The following KIF1C variants were observed in gnomAD, a reference collection of about 807,000 sequenced individuals.
KIF1C encodes kinesin family member 1C.
Under a neutral mutation model 126.5 loss-of-function variants are expected in KIF1C, and 61 were observed. The observed-to-expected ratio is 0.48, with a 90% confidence interval of 0.39 to 0.60. The LOEUF (loss-of-function observed/expected upper bound fraction) is 0.60, where lower values mean the gene tolerates loss of function less well. KIF1C is among the 20% of genes least tolerant of loss of function. The pLI, the probability that KIF1C is intolerant of heterozygous loss-of-function variation, is 0.00. For synonymous variants in KIF1C, 640 were observed against 580.6 expected (o/e 1.10, Z -1.47); for missense variants, 1,315 against 1,489.2 (o/e 0.88, Z 1.93).
At chr17:5,002,708 G>A in intron 7 of KIF1C, 23 bp from the exon 8 acceptor site, 1 of 1,613,576 alleles carries the variant, frequency 6.2e-7, no homozygotes, top group South Asian at 1.1e-5. Context: ...GCAGGATCCA[G>A]TGACTGCTTT....
chr17:5,000,964 G>A, intron 4 of KIF1C, 116 bp downstream of exon 4: 1 of 1,120,710 alleles, frequency 8.9e-7, no homozygotes, highest in South Asian at 1.3e-5. Flanking sequence ...TGAATTGGGA[G>A]GATGATCCTG....
intron 16 of KIF1C, among the ~76,000 whole-genome samples, chr17:5,013,043 A>G (rs1260104391): frequency 6.6e-6 from 1 of 152,190 alleles, no homozygotes; most frequent in Non-Finnish European, 1.5e-5. Flanking sequence ...TCACTGGGGA[A>G]GAGTCAATGA....
In KIF1C at chr17:5,004,917, G is replaced by T. The variant is rs761322983; in HGVS notation, c.1082G>T (p.Arg361Leu). Reference protein sequence around the residue: ...NAIINEDPNARLIRELQEEVA... With the variant: ...NAIINEDPNALLIRELQEEVA... The stretch of plus-strand genomic sequence containing the variant: ...ATCATCAACGAGGACCCTAATGCCC[G>T]GCTGATTAGAGAGCTGCAGGAGGAA... The change falls in exon 13 of 23, where the codon CGG becomes CTG. Residue 361 changes from arginine (R) to leucine (L), a missense_variant. Coordinates refer to ENST00000320785, the MANE Select transcript of KIF1C (RefSeq NM_006612.6). 6.2e-7 allele frequency: 1 copy of T among 1,614,222 alleles called. No homozygotes were observed. Among genetic ancestry groups the T allele is most frequent in the Non-Finnish European group, 8.5e-7 (1 of 1,180,048 alleles).
At position 5,007,029 on chromosome 17, in the gene KIF1C, T is replaced by G; in HGVS notation, c.1280T>G (p.Phe427Cys). 6.2e-7 allele frequency: 1 copy of G among 1,608,948 alleles called. No individual in the cohort carries two copies. The highest frequency in any genetic ancestry group is 8.5e-7 in the Non-Finnish European group (1 of 1,178,522). ...CATAATGGGGAGCTGGAGCCGTCAT[T>G]CTCCCCCAACACGGAGTCCCAGATT... is the stretch of plus-strand genomic sequence containing the variant. ...TTHNGELEPS[F>C]SPNTESQIGP... is the part of the protein sequence containing the mutation. The change falls in exon 14 of 23, where the codon TTC (phenylalanine) becomes TGC (cysteine). Residue 427 changes from phenylalanine to cysteine, a missense_variant. Coordinates refer to ENST00000320785, the MANE Select transcript of KIF1C (RefSeq NM_006612.6).
Position 5,004,567 on chromosome 17 carries a change from G to A in KIF1C, c.941G>A (p.Gly314Glu). The A allele has an allele frequency of 3.1e-6, 5 of 1,614,092 alleles. No individual in the cohort carries two copies. The highest frequency in any genetic ancestry group is 4.2e-6 in the Non-Finnish European group (5 of 1,179,988). ...GCTTTTCCATGCACTCCATTCACAG[G>A]GGGGAACTCACGCACAGCCATGATT... The part of the protein sequence containing the change: ...VLTWLLKENL[G>E]GNSRTAMIAA... Residue 314 changes from glycine (G) to glutamate (E), a missense_variant and splice_region_variant, in exon 12 of 23, where the codon GGG (glycine) becomes GAG (glutamate). Gly to Glu is a moderately conservative substitution (Grantham distance 98). Transcript: ENST00000320785.
Position 5,024,198 on chromosome 17 carries a change from A to T in KIF1C, c.*47A>T. On this transcript the variant is annotated 3_prime_UTR_variant, in exon 23 of 23. Coordinates refer to ENST00000320785, the MANE Select transcript of KIF1C (RefSeq NM_006612.6). ...GCCTGGTGGGGCCCCTTGCTAGGAG[A>T]AGGGAAGACGCCCGAGACGCTGCTT... 1 of 1,368,550 alleles carries T rather than the reference A, an allele frequency of 7.3e-7. No individual in the cohort carries two copies. The highest frequency in any genetic ancestry group is 1.0e-6 in the Non-Finnish European group (1 of 989,118). The allele number at this position is 1,368,550 out of a possible 1,614,324, so 84.8% of individuals were successfully genotyped here.
chr17:5,011,026 G>C (rs946853992), intron 16 of KIF1C, among the ~76,000 whole-genome samples: 1 of 152,060 alleles, frequency 6.6e-6, no homozygotes, highest in Non-Finnish European at 1.5e-5. Context: ...ATACAAGAGA[G>C]CCCATTTCCC....
chr17:5,005,021 C>T (rs762664286), intron 13 of KIF1C, 21 bp downstream of exon 13: 1 of 1,613,998 alleles, frequency 6.2e-7, no homozygotes, highest in Non-Finnish European at 8.5e-7. Context: ...CAGGGAGGGG[C>T]AGCTCAGGGA....
intron 18 of KIF1C, among the ~76,000 whole-genome samples, chr17:5,016,140 CTTTT>C (rs113644919): frequency 7.3e-6 from 1 of 136,790 alleles, no homozygotes; most frequent in Non-Finnish European, 1.6e-5. Flanking sequence ...ATGGTCAGCA[CTTTT>C]TTTTTTTTTT....
chr17:5,002,692 T>TGAGAGGCAG, intron 7 of KIF1C, 39 bp from the exon 8 acceptor site: 4 of 1,612,396 alleles, frequency 2.5e-6, no homozygotes, highest in Non-Finnish European at 3.4e-6. Context: ...GTTGGGAAGG[T>TGAGAGGCAG]GAGAGGCAGG....
At chr17:5,003,972 A>T in intron 10 of KIF1C, 26 bp from the exon 11 acceptor site, 1 of 1,612,042 alleles carries the variant, frequency 6.2e-7, no homozygotes, top group Non-Finnish European at 8.5e-7. Flanking sequence ...ACCCACCCTA[A>T]CCTCCTTCCT....
chr17:5,006,877 T>G (rs1567722570), intron 13 of KIF1C, 38 bp from the exon 14 acceptor site: 2 of 1,607,994 alleles, frequency 1.2e-6, no homozygotes, highest in Non-Finnish European at 1.7e-6. Context: ...GCTCCTTCTT[T>G]CCTTAGCCTC....
intron 6 of KIF1C, 97 bp from the exon 7 acceptor site, chr17:5,002,367 C>T (rs1431391233): frequency 1.7e-6 from 2 of 1,204,466 alleles, no homozygotes; most frequent in East Asian, 2.4e-5. Context: ...TGTGTATTAG[C>T]TGCAGTCACC....
intron 16 of KIF1C, among the ~76,000 whole-genome samples, chr17:5,012,981 G>T (rs928352250): frequency 1.6e-4 from 25 of 152,310 alleles, no homozygotes; most frequent in Non-Finnish European, 2.5e-4. Flanking sequence ...ACAGCCCCAG[G>T]CGGGTGCTGC....
In KIF1C at chr17:5,026,478, A is replaced by C. The variant is rs1296281792; in HGVS notation, c.*2327A>C. ...TAAAAATCCACTTATGGCTGGGCACAGAAGCTCACACCTGTAATCCCAGCA... is the reference window on the plus strand; with the variant it reads ...TAAAAATCCACTTATGGCTGGGCACCGAAGCTCACACCTGTAATCCCAGCA... On this transcript the variant is annotated 3_prime_UTR_variant, in exon 23 of 23. Coordinates refer to ENST00000320785, the MANE Select transcript of KIF1C (RefSeq NM_006612.6). The C allele has an allele frequency of 6.6e-6, 1 of 152,198 alleles. No individual in the cohort carries two copies. Among genetic ancestry groups the C allele is most frequent in the African/African-American group, 2.4e-5 (1 of 41,446 alleles). The allele number at this position is 152,198 out of a possible 1,614,324, so 9.4% of individuals were successfully genotyped here. A position where few individuals can be genotyped will look rare whatever the true frequency, so the allele number is the denominator to read the frequency against.
chr17:5,016,937 T>C (rs2143366511), intron 18 of KIF1C, among the ~76,000 whole-genome samples: 1 of 151,926 alleles, frequency 6.6e-6, no homozygotes, highest in East Asian at 1.9e-4. Flanking sequence ...CCTCTTCGGT[T>C]TCCATATGGT....
At chr17:5,013,282 G>A (rs982930871) in intron 16 of KIF1C, among the ~76,000 whole-genome samples, 3 of 152,130 alleles carry the variant, frequency 2.0e-5, no homozygotes, top group Non-Finnish European at 2.9e-5. Context: ...AGAAGAGAAT[G>A]CAGGGGGTCC....
chr17:5,010,718 GCC>G (rs1346919050), intron 16 of KIF1C, among the ~76,000 whole-genome samples: 1 of 151,178 alleles, frequency 6.6e-6, no homozygotes, highest in Non-Finnish European at 1.5e-5. Context: ...CTGCACTCCA[GCC>G]CAGGTGACAG....
chr17:5,020,182 C>A lies in KIF1C; in HGVS notation c.1750+103C>A. The A allele has an allele frequency of 1.2e-6, 1 of 856,370 alleles. No individual in the cohort carries two copies. The highest frequency in any genetic ancestry group is 1.9e-6 in the Non-Finnish European group (1 of 514,368). The allele number at this position is 856,370 out of a possible 1,614,324, so 53.0% of individuals were successfully genotyped here. On this transcript the variant is annotated intron_variant, in intron 19 of 22. Coordinates refer to ENST00000320785, the MANE Select transcript of KIF1C (RefSeq NM_006612.6). This position sits in a 1 kb window ranked among gnomAD's most constrained non-coding sequence, Gnocchi z 5.8. ...CATCCTAGAGGAGGACCCTGAAATA[C>A]ATCAGAAATAGCACGGGGATATAAA... is the stretch of plus-strand genomic sequence containing the variant.
Sources: gnomAD v4.1 joint callset for allele counts (sites outside exome capture counted in the v4.1 genomes callset) on GRCh38, gnomAD v4.1.1 for gene constraint, Gnocchi (gnomAD v3.1) non-coding constraint, MANE v1.5 for transcripts, NCBI Gene and HGNC (gene_info 2026-07-23, HGNC 2026-07-21) for gene names.